SIN3A: variants seen among roughly 807,000 people sequenced by gnomAD.
SIN3A encodes SIN3 transcription regulator family member A, also known as paired amphipathic helix protein Sin3a.
Under a neutral mutation model 146.1 loss-of-function variants are expected in SIN3A, and 14 were observed. The observed-to-expected ratio is 0.10, with a 90% CI of 0.06 to 0.15. The LOEUF (loss-of-function observed/expected upper bound fraction) is 0.15. SIN3A is among the 10% of genes least tolerant of loss of function. SIN3A has a pLI of 1.00. For missense variants in SIN3A, 1,028 were observed against 1,576.0 expected (o/e 0.65, Z 5.89); for synonymous variants, 572 against 572.0 (o/e 1.00, Z 0.00).
Position 75,372,055 on chromosome 15 carries a change from C to T in SIN3A, c.3746G>A (p.Cys1249Tyr). The change falls in exon 21 of 21, where the codon TGT (cysteine) becomes TAT (tyrosine). Residue 1249 changes from cysteine to tyrosine, a missense_variant. By Grantham distance (194) the Cys-to-Tyr change is radical. This residue lies in a region of SIN3A where 488 missense variants were observed against 690.2 expected (regional missense o/e 0.71). Transcript: ENST00000394947. The part of the protein sequence containing the change: ...LEGLVPCTTT[C>Y]DTETLHFVSI... Reference sequence around the variant, plus strand: ...CACAAAATGCAGGGTCTCTGTATCACAGGTGGTGGTACAGGGCACCAGGCC... The same window carrying T: ...CACAAAATGCAGGGTCTCTGTATCATAGGTGGTGGTACAGGGCACCAGGCC... The T allele has an allele frequency of 1.2e-6, 2 of 1,614,184 alleles. No individual in the cohort carries two copies. The highest frequency in any genetic ancestry group is 1.7e-6 in the Non-Finnish European group (2 of 1,180,032).
In SIN3A at chr15:75,371,889, G is replaced by T; in HGVS notation, c.*90C>A. The T allele has an allele frequency of 8.3e-7, 1 of 1,199,736 alleles. No homozygotes were observed. The highest frequency in any genetic ancestry group is 1.2e-6 in the Non-Finnish European group (1 of 828,834). 74.3% of individuals were successfully genotyped at this position (1,199,736 alleles called of 1,614,324 possible). On this transcript the variant is annotated 3_prime_UTR_variant, in exon 21 of 21. Transcript: ENST00000394947. ...CAGAGAGGCCCAGTGAGGCTTGAAA[G>T]GCATCTTCCTTGTTTCTTCAGTGTG...
intron 1 of SIN3A, among the ~76,000 whole-genome samples, chr15:75,432,541 G>A (rs961967508): frequency 1.3e-5 from 2 of 150,568 alleles, no homozygotes; most frequent in Non-Finnish European, 3.0e-5. Flanking sequence ...ACAAAAATTA[G>A]CCAGGTGTGA....
At chr15:75,398,166 C>G (rs1219252286) in intron 12 of SIN3A, among the ~76,000 whole-genome samples, 3 of 152,170 alleles carry the variant, frequency 2.0e-5, no homozygotes, top group Non-Finnish European at 4.4e-5. Context: ...CACAGCCAGT[C>G]AATTTAATGT....
intron 1 of SIN3A, among the ~76,000 whole-genome samples, chr15:75,442,411 G>A (rs1321760575): frequency 6.7e-6 from 1 of 150,102 alleles, no homozygotes; most frequent in Non-Finnish European, 1.5e-5. Context: ...GGGCTCAAGC[G>A]ATCCTCCCAC....
intron 3 of SIN3A, among the ~76,000 whole-genome samples, chr15:75,417,649 G>A (rs1224541070): frequency 2.0e-5 from 3 of 152,058 alleles, no homozygotes; most frequent in Non-Finnish European, 4.4e-5. Context: ...AATGTGCTGG[G>A]ATTACAGATG....
At chr15:75,429,957 G>A in intron 2 of SIN3A, 1 of 457,444 alleles carries the variant, frequency 2.2e-6, no homozygotes, top group Non-Finnish European at 3.9e-6. Context: ...GGCTACCTCT[G>A]AAGGGAGGGA....
intron 3 of SIN3A, among the ~76,000 whole-genome samples, chr15:75,416,372 C>T (rs1215592645): frequency 6.6e-6 from 1 of 152,204 alleles, no homozygotes; most frequent in African/African-American, 2.4e-5. Context: ...GTTGCCCAGG[C>T]TGGAGTGCAG....
At chr15:75,394,159 C>T (rs889313639) in intron 14 of SIN3A, among the ~76,000 whole-genome samples, 2 of 152,124 alleles carry the variant, frequency 1.3e-5, no homozygotes, top group African/African-American at 4.8e-5. Flanking sequence ...TTCAGGATCA[C>T]CCCACTCCAG....
At chr15:75,421,401 C>T (rs2073838326) in intron 3 of SIN3A, 1 of 152,200 alleles carries the variant, frequency 6.6e-6, no homozygotes. Flanking sequence ...AAAGGCTATG[C>T]ATTAGTCAAT....
intron 16 of SIN3A, chr15:75,388,230 T>A (rs1457471264): frequency 1.3e-5 from 2 of 152,266 alleles, no homozygotes; most frequent in African/African-American, 2.4e-5. Flanking sequence ...AGCTATTCTA[T>A]GGAAGAGGGC....
chr15:75,433,580 C>T (rs1190491168), intron 1 of SIN3A, among the ~76,000 whole-genome samples: 1 of 151,968 alleles, frequency 6.6e-6, no homozygotes, highest in East Asian at 1.9e-4. Flanking sequence ...ATAGGCCGGG[C>T]GTGGTGGCTC....
chr15:75,455,350 G>C (rs1184997348), upstream of SIN3A, among the ~76,000 whole-genome samples: 1 of 152,148 alleles, frequency 6.6e-6, no homozygotes, highest in Non-Finnish European at 1.5e-5. Flanking sequence ...GCTCCGGCCC[G>C]GTTCTAGTCG....
chr15:75,406,166 T>C (rs1181456462), intron 9 of SIN3A, among the ~76,000 whole-genome samples: 1 of 152,210 alleles, frequency 6.6e-6, no homozygotes, highest in Non-Finnish European at 1.5e-5. Flanking sequence ...AGGTGCCAGC[T>C]ACCCTGATGA....
chr15:75,426,950 A>AT (rs1314021588), intron 2 of SIN3A, among the ~76,000 whole-genome samples: 3 of 152,094 alleles, frequency 2.0e-5, no homozygotes, highest in Non-Finnish European at 4.4e-5. Flanking sequence ...GTAAATTTAG[A>AT]TAGCTAGACA....
At chr15:75,448,368 C>T (rs569091677) in intron 1 of SIN3A, among the ~76,000 whole-genome samples, 2 of 151,852 alleles carry the variant, frequency 1.3e-5, no homozygotes, top group African/African-American at 4.8e-5. Flanking sequence ...CGTGTGGTGG[C>T]GCCCCAGCTT....
In SIN3A at chr15:75,392,227, G is replaced by A; in HGVS notation, c.2851+15C>T. ...CCTCACACATCCTCTGTAAATCAGA[G>A]GTCTCGGCACTCACTAGGTTCTTTG... On this transcript the variant is annotated intron_variant, in intron 15 of 20. Coordinates refer to ENST00000394947, the MANE Select transcript of SIN3A (RefSeq NM_001145358.2). 1 of 1,605,636 alleles carries A rather than the reference G, an allele frequency of 6.2e-7. No homozygotes were observed. The highest frequency in any genetic ancestry group is 8.5e-7 in the Non-Finnish European group (1 of 1,174,356).
intron 11 of SIN3A, 127 bp from the exon 12 acceptor site, chr15:75,400,283 CT>C: frequency 1.7e-6 from 1 of 603,172 alleles, no homozygotes; most frequent in Admixed American, 2.9e-5. Context: ...CAAATTTCAC[CT>C]TTAGCAAGTT....
chr15:75,399,987 C>T (rs1286965915), intron 12 of SIN3A, 53 bp downstream of exon 12: 37 of 966,004 alleles, frequency 3.8e-5, no homozygotes, highest in Non-Finnish European at 4.7e-5. Context: ...TACTGATAGT[C>T]TCACTGAGCA....
In SIN3A at chr15:75,392,378, C is replaced by T. The variant is rs2073222379; in HGVS notation, c.2715G>A (p.Arg905=). Reference sequence around the variant, plus strand: ...CGGCTTGGGAACAAATCCGTAGCAGCCTCAGGCAGAGAATCTGGTGCAGTC... The same window carrying T: ...CGGCTTGGGAACAAATCCGTAGCAGTCTCAGGCAGAGAATCTGGTGCAGTC... ...FMRLHQILCL[R]LLRICSQAER... The change falls in exon 15 of 21, where the codon AGG becomes AGA. Residue 905 remains arginine, a synonymous_variant. Transcript: ENST00000394947. 2 of 1,614,266 alleles carry T rather than the reference C, an allele frequency of 1.2e-6. No homozygotes were observed. The highest frequency in any genetic ancestry group is 8.5e-7 in the Non-Finnish European group (1 of 1,180,058).
Sources: allele counts gnomAD v4.1 joint callset (sites outside exome capture counted in the v4.1 genomes callset), GRCh38; gene constraint gnomAD v4.1.1; regional missense constraint gnomAD v4.1.1; transcripts MANE v1.5; gene names NCBI Gene and HGNC (gene_info 2026-07-23, HGNC 2026-07-21).